The following DGKB variants were observed in gnomAD, a reference collection of about 807,000 sequenced individuals.
DGKB encodes the protein 90 kDa diacylglycerol kinase.
In DGKB, 67 loss-of-function variants were observed where a neutral mutation model predicts 114.3. The observed-to-expected ratio is 0.59, with a 90% confidence interval of 0.48 to 0.72. The LOEUF (loss-of-function observed/expected upper bound fraction) is 0.72, where lower values mean the gene tolerates loss of function less well. Ranked by LOEUF, DGKB falls within the 30% of genes least tolerant of loss-of-function variation. DGKB has a pLI of 0.00. For synonymous variants in DGKB, 398 were observed against 323.1 expected (o/e 1.23, Z -2.49); for missense variants, 907 against 975.2 (o/e 0.93, Z 0.93).
At chr7:14,413,177 T>C (rs1219052157) in intron 21 of DGKB, among the ~76,000 whole-genome samples, 1 of 151,690 alleles carries the variant, frequency 6.6e-6, no homozygotes, top group African/African-American at 2.4e-5. Context: ...AAAATAATAA[T>C]ATCAACCACA....
At chr7:14,784,925 A>G (rs745694091) in intron 2 of DGKB, among the ~76,000 whole-genome samples, 11 of 152,008 alleles carry the variant, frequency 7.2e-5, no homozygotes, top group Non-Finnish European at 1.2e-4. Context: ...ATACTTTTCA[A>G]TATGTCTAGT....
chr7:14,638,464 A>AT (rs896570939), intron 13 of DGKB, among the ~76,000 whole-genome samples: 3 of 152,030 alleles, frequency 2.0e-5, no homozygotes, highest in Admixed American at 6.6e-5. Context: ...TGTCTGATAT[A>AT]TTTTTTCTTG....
chr7:14,891,471 A>T, intron 1 of DGKB, among the ~76,000 whole-genome samples: 1 of 151,504 alleles, frequency 6.6e-6, no homozygotes, highest in Non-Finnish European at 1.5e-5. Flanking sequence ...AAAGCGGAAA[A>T]GCAGCACTGA....
intron 23 of DGKB, among the ~76,000 whole-genome samples, chr7:14,186,041 T>A (rs1323149498): frequency 6.6e-6 from 1 of 152,012 alleles, no homozygotes; most frequent in African/African-American, 2.4e-5. Context: ...ACTAAAGAGC[T>A]TTTGCATGGC....
At chr7:14,326,025 G>A (rs893743810) in intron 23 of DGKB, among the ~76,000 whole-genome samples, 2 of 151,106 alleles carry the variant, frequency 1.3e-5, no homozygotes, top group African/African-American at 4.9e-5. Flanking sequence ...ACTTATATAG[G>A]TTATGAGACA....
chr7:14,313,602 T>G (rs1805845493), intron 23 of DGKB, among the ~76,000 whole-genome samples: 1 of 152,082 alleles, frequency 6.6e-6, no homozygotes, highest in African/African-American at 2.4e-5. Flanking sequence ...CACCACGAGA[T>G]TATATCCGCA....
chr7:14,193,019 C>T (rs544704746), intron 23 of DGKB, among the ~76,000 whole-genome samples: 2 of 152,088 alleles, frequency 1.3e-5, no homozygotes, highest in Admixed American at 1.3e-4. Flanking sequence ...TGAGCTCAGG[C>T]GGTAATGCGA....
intron 12 of DGKB, among the ~76,000 whole-genome samples, chr7:14,678,469 G>C (rs576054313): frequency 6.6e-6 from 1 of 152,138 alleles, no homozygotes; most frequent in South Asian, 2.1e-4. Context: ...AAAATAGTAG[G>C]CATGAGGGAA....
chr7:14,510,469 A>C (rs1395872740), intron 20 of DGKB, among the ~76,000 whole-genome samples: 4 of 152,130 alleles, frequency 2.6e-5, no homozygotes, highest in Non-Finnish European at 5.9e-5. Context: ...ATGACATTGC[A>C]GTTATTCAGT....
intron 2 of DGKB, among the ~76,000 whole-genome samples, chr7:14,826,195 C>T (rs1241694464): frequency 1.3e-5 from 2 of 152,066 alleles, no homozygotes; most frequent in African/African-American, 4.8e-5. Flanking sequence ...GAAATGGATT[C>T]GGCCTGGGAG....
chr7:14,925,283 A>T (rs1269210824), intron 1 of DGKB, among the ~76,000 whole-genome samples: 4 of 152,192 alleles, frequency 2.6e-5, no homozygotes, highest in Non-Finnish European at 5.9e-5. Flanking sequence ...TCTGGGATTA[A>T]TGCTGAGGAG....
At chr7:14,250,322 G>GT in intron 23 of DGKB, among the ~76,000 whole-genome samples, 1 of 151,850 alleles carries the variant, frequency 6.6e-6, no homozygotes, top group African/African-American at 2.4e-5. Context: ...TGCTTTTGCC[G>GT]TATCACATGG....
intron 21 of DGKB, among the ~76,000 whole-genome samples, chr7:14,444,935 T>C (rs1033095697): frequency 5.3e-5 from 8 of 152,016 alleles, no homozygotes; most frequent in African/African-American, 1.9e-4. Flanking sequence ...TGTTAATTCC[T>C]TGCAGTAAGT....
intron 2 of DGKB, among the ~76,000 whole-genome samples, chr7:14,778,942 G>C (rs1022643957): frequency 1.3e-5 from 2 of 152,176 alleles, no homozygotes; most frequent in African/African-American, 4.8e-5. Flanking sequence ...GAAAGCCTGA[G>C]GTCAGGAGTT....
intron 21 of DGKB, among the ~76,000 whole-genome samples, chr7:14,388,774 C>A (rs776938139): frequency 1.4e-4 from 22 of 152,094 alleles, no homozygotes; most frequent in Non-Finnish European, 2.6e-4. Context: ...CAAGCAGCAC[C>A]ATTTCCAAAA....
intron 21 of DGKB, among the ~76,000 whole-genome samples, chr7:14,395,653 G>C (rs141988175): frequency 2.6e-5 from 4 of 151,838 alleles, no homozygotes; most frequent in African/African-American, 9.6e-5. Context: ...GTAAAAATAT[G>C]TGCAAATACC....
chr7:14,925,398 T>C (rs1418065105), intron 1 of DGKB, among the ~76,000 whole-genome samples: 1 of 152,222 alleles, frequency 6.6e-6, no homozygotes, highest in Non-Finnish European at 1.5e-5. Context: ...TGATTTTTAC[T>C]GATGAGTTTG....
intron 21 of DGKB, among the ~76,000 whole-genome samples, chr7:14,348,558 AATGAG>A (rs998001949): frequency 2.6e-5 from 4 of 152,098 alleles, no homozygotes; most frequent in South Asian, 2.1e-4. Flanking sequence ...TTAAAACCAC[AATGAG>A]ATATCACCCC....
chr7:14,695,488 C>CT, intron 8 of DGKB, among the ~76,000 whole-genome samples: 2 of 99,538 alleles, frequency 2.0e-5, no homozygotes, highest in Non-Finnish European at 4.0e-5. Context: ...TTCTCTCTCT[C>CT]TCTCTCTTTT....
Sources: gnomAD v4.1 joint callset for allele counts (sites outside exome capture counted in the v4.1 genomes callset) on GRCh38, gnomAD v4.1.1 for gene constraint, MANE v1.5 for transcripts, NCBI Gene and HGNC (gene_info 2026-07-23, HGNC 2026-07-21) for gene names.